PCSK1: variants seen among roughly 807,000 people sequenced by gnomAD.
The protein encoded by PCSK1 is proprotein convertase subtilisin/kexin type 1.
Under a neutral mutation model 90.6 loss-of-function variants are expected in PCSK1, and 56 were observed. The observed-to-expected ratio is 0.62, with a 90% confidence interval of 0.50 to 0.77. The LOEUF (loss-of-function observed/expected upper bound fraction) is 0.77, where lower values mean the gene tolerates loss of function less well. Ranked by LOEUF, PCSK1 falls within the 30% of genes least tolerant of loss-of-function variation. The pLI is 0.00. For missense variants in PCSK1, 801 were observed against 932.6 expected, an observed-to-expected ratio of 0.86 and a Z score of 1.84; for synonymous variants, 348 against 342.4, an observed-to-expected ratio of 1.02 and a Z score of -0.18.
At chr5:96,421,849 C>T (rs1175242641) in intron 5 of PCSK1, 31 bp downstream of exon 5, 1 of 1,164,548 alleles carries the variant, frequency 8.6e-7, no homozygotes, top group Non-Finnish European at 1.3e-6. Flanking sequence ...TTGTAAAGTA[C>T]TTTATTTCAC....
intron 3 of PCSK1, among the ~76,000 whole-genome samples, chr5:96,425,080 AG>A (rs1761265362): frequency 6.7e-6 from 1 of 149,320 alleles, no homozygotes; most frequent in East Asian, 2.0e-4. Flanking sequence ...AAGAAAACGT[AG>A]GGTCAAGAGA....
intron 8 of PCSK1, among the ~76,000 whole-genome samples, chr5:96,409,699 A>G (rs1234935638): frequency 6.6e-6 from 1 of 152,222 alleles, no homozygotes; most frequent in African/African-American, 2.4e-5. Flanking sequence ...GGCTCTGAAG[A>G]CAAGTGGGGC....
At position 96,393,171 on chromosome 5, in the gene PCSK1, C is replaced by G; in HGVS notation, c.2092G>C (p.Glu698Gln). The G allele has an allele frequency of 6.2e-7, 1 of 1,614,144 alleles. No individual in the cohort carries two copies. The highest frequency in any genetic ancestry group is 8.5e-7 in the Non-Finnish European group (1 of 1,180,018). ...SPSAKLNIPY[E>Q]NFYEALEKLN... ...TTTTCCAGGGCTTCGTAGAAGTTTTCATAAGGGATGTTGAGCTTTGCACTT... is the reference window on the plus strand; with the variant it reads ...TTTTCCAGGGCTTCGTAGAAGTTTTGATAAGGGATGTTGAGCTTTGCACTT... The change falls in exon 14 of 14, where the codon GAA becomes CAA. Residue 698 changes from glutamate to glutamine, a missense_variant. Physicochemically the swap from Glu to Gln is conservative, Grantham distance 29. Coordinates refer to ENST00000311106, the MANE Select transcript of PCSK1 (RefSeq NM_000439.5).
intron 3 of PCSK1, among the ~76,000 whole-genome samples, chr5:96,425,346 TAG>T (rs1761274362): frequency 6.6e-6 from 1 of 152,222 alleles, no homozygotes; most frequent in African/African-American, 2.4e-5. Flanking sequence ...ACATTTGCAA[TAG>T]ACTTTTCTTG....
At chr5:96,413,420 C>T (rs976792516) in intron 6 of PCSK1, among the ~76,000 whole-genome samples, 1 of 152,188 alleles carries the variant, frequency 6.6e-6, no homozygotes, top group Non-Finnish European at 1.5e-5. Context: ...TAGATTTTCA[C>T]ACTTATTTAC....
At position 96,412,322 on chromosome 5, in the gene PCSK1, T is replaced by C. The variant is rs749349069; in HGVS notation, c.878A>G (p.Lys293Arg). Residue 293 changes from lysine (K) to arginine (R), a missense_variant, in exon 7 of 14, where the codon AAA (lysine) becomes AGA (arginine). Coordinates refer to ENST00000311106, the MANE Select transcript of PCSK1 (RefSeq NM_000439.5). ...LAQKAFEYGV[K>R]QGRQGKGSIF... ...GGTCTGTGTAAAGCATCTTACCTGTTTGACACCATATTCAAAAGCCTTCTG... is the reference window on the plus strand; with the variant it reads ...GGTCTGTGTAAAGCATCTTACCTGTCTGACACCATATTCAAAAGCCTTCTG... 3 of 1,614,084 alleles carry C rather than the reference T, an allele frequency of 1.9e-6. No individual in the cohort carries two copies. Among genetic ancestry groups the C allele is most frequent in the Non-Finnish European group, 2.5e-6 (3 of 1,179,906 alleles).
chr5:96,395,463 TA>T (rs1760103512), intron 12 of PCSK1, among the ~76,000 whole-genome samples: 1 of 152,078 alleles, frequency 6.6e-6, no homozygotes, highest in African/African-American at 2.4e-5. Flanking sequence ...TATGCAGCCA[TA>T]AAAAAGAGTG....
chr5:96,429,894 A>G (rs1379688234), intron 1 of PCSK1, among the ~76,000 whole-genome samples: 1 of 152,208 alleles, frequency 6.6e-6, no homozygotes. Context: ...ACATTGGAGG[A>G]AATACATGTT....
chr5:96,425,044 G>T (rs544301984), intron 3 of PCSK1, among the ~76,000 whole-genome samples: 1 of 127,070 alleles, frequency 7.9e-6, no homozygotes, highest in African/African-American at 2.7e-5. Flanking sequence ...AAGAAAGAAA[G>T]AAAGAAAGAA....
rs113783155 is a variant in PCSK1, at chr5:96,397,330, A to G, written c.1722+6T>C. Reference sequence around the variant, plus strand: ...TGTGTTTTTTCATCCTCTCATTCACACTTACCATGTCTGTAATTCTCAAAG... The same window carrying G: ...TGTGTTTTTTCATCCTCTCATTCACGCTTACCATGTCTGTAATTCTCAAAG... On this transcript the variant is annotated splice_donor_region_variant and intron_variant, in intron 12 of 13. Transcript: ENST00000311106. The G allele has an allele frequency of 7.4e-6, 12 of 1,612,560 alleles. No homozygotes were observed. The highest frequency in any genetic ancestry group is 1.0e-5 in the Non-Finnish European group (12 of 1,178,710).
chr5:96,419,235 T>C (rs761798630), intron 5 of PCSK1, among the ~76,000 whole-genome samples: 3 of 151,008 alleles, frequency 2.0e-5, no homozygotes, highest in Non-Finnish European at 4.4e-5. Context: ...TATACAGATA[T>C]AGATATAGAT....
chr5:96,430,302 A>G (rs1215991299), intron 1 of PCSK1, among the ~76,000 whole-genome samples: 1 of 152,246 alleles, frequency 6.6e-6, no homozygotes, highest in Admixed American at 6.5e-5. Flanking sequence ...CCTCTAGGTA[A>G]CCCTGCATTT....
At chr5:96,405,419 A>C (rs1400229731) in intron 9 of PCSK1, among the ~76,000 whole-genome samples, 1 of 152,220 alleles carries the variant, frequency 6.6e-6, no homozygotes, top group Non-Finnish European at 1.5e-5. Flanking sequence ...TGTTTCACAG[A>C]AATGAAACAC....
chr5:96,429,793 G>A (rs1408104656), intron 1 of PCSK1, among the ~76,000 whole-genome samples: 1 of 152,144 alleles, frequency 6.6e-6, no homozygotes, highest in African/African-American at 2.4e-5. Context: ...ACTGATAGAG[G>A]TCTTAAGATG....
At chr5:96,431,980 T>G (rs1390488609) in intron 1 of PCSK1, 1 of 772,454 alleles carries the variant, frequency 1.3e-6, no homozygotes, top group East Asian at 2.7e-5. Context: ...GTCTCCCACT[T>G]AATGTCTTGA....
Position 96,433,241 on chromosome 5 carries a change from G to C in PCSK1, c.-199C>G. 1.6e-6 allele frequency: 1 copy of C among 618,214 alleles called. No individual in the cohort carries two copies. The allele number at this position is 618,214 out of a possible 1,614,324, so 38.3% of individuals were successfully genotyped here. A position where few individuals can be genotyped will look rare whatever the true frequency, so the allele number is the denominator to read the frequency against. On this transcript the variant is annotated 5_prime_UTR_variant, in exon 1 of 14. Transcript: ENST00000311106. ...GCTCAGTGAAGCGCTTCGGTCTCCA[G>C]GCTGAGTGGAGCCCCAGCCCTTCCC...
intron 11 of PCSK1, among the ~76,000 whole-genome samples, chr5:96,398,655 A>G (rs1327861607): frequency 6.6e-6 from 1 of 152,218 alleles, no homozygotes; most frequent in Non-Finnish European, 1.5e-5. Context: ...ATTAATTAGC[A>G]TTATTTGAAT....
intron 11 of PCSK1, among the ~76,000 whole-genome samples, chr5:96,398,248 T>C (rs1760232312): frequency 6.6e-6 from 1 of 152,192 alleles, no homozygotes; most frequent in Admixed American, 6.5e-5. Context: ...TCCTCACATA[T>C]CACCCACAGA....
chr5:96,423,331 C>T lies in PCSK1; in HGVS notation c.525G>A (p.Thr175=), dbSNP rs766730216. ...VLDDGLEWNH[T]DIYANYDPEA... is the part of the protein sequence containing the mutation. The stretch of plus-strand genomic sequence containing the variant: ...CACTTACATAGTTGGCATAAATGTC[C>T]GTGTGATTCCACTCCAAACCATCAT... Residue 175 remains threonine, a synonymous_variant, in exon 4 of 14, where the codon ACG becomes ACA. Transcript: ENST00000311106. The T allele has an allele frequency of 5.0e-6, 8 of 1,611,114 alleles. No homozygotes were observed. The highest frequency in any genetic ancestry group is 1.6e-4 in the Middle Eastern group (1 of 6,062).
Sources: allele counts gnomAD v4.1 joint callset (sites outside exome capture counted in the v4.1 genomes callset), GRCh38; gene constraint gnomAD v4.1.1; transcripts MANE v1.5; gene names NCBI Gene and HGNC (gene_info 2026-07-23, HGNC 2026-07-21).